LRRTM4: variants seen among roughly 807,000 people sequenced by gnomAD.
The protein encoded by LRRTM4 is leucine-rich repeat transmembrane neuronal protein 4.
In LRRTM4, 25 loss-of-function variants were observed where a neutral mutation model predicts 47.6. That is an observed-to-expected ratio of 0.53 (90% CI 0.38 to 0.73). The LOEUF is 0.73. LRRTM4 is among the 30% of genes least tolerant of loss of function. The probability of loss-of-function intolerance (pLI) is 0.00; values close to 1 mark genes in which losing one functional copy is unlikely to be tolerated. For missense variants in LRRTM4, 638 were observed against 713.4 expected, an observed-to-expected ratio of 0.89 and a Z score of 1.20; for synonymous variants, 311 against 269.5, an observed-to-expected ratio of 1.15 and a Z score of -1.51.
intron 3 of LRRTM4, among the ~76,000 whole-genome samples, chr2:77,204,103 G>A (rs1674055265): frequency 6.6e-6 from 1 of 152,084 alleles, no homozygotes; most frequent in Non-Finnish European, 1.5e-5. Context: ...ACATTGACAT[G>A]TTACCCATGT....
At chr2:77,475,180 G>A (rs1049508873) in intron 3 of LRRTM4, among the ~76,000 whole-genome samples, 1 of 152,036 alleles carries the variant, frequency 6.6e-6, no homozygotes, top group Non-Finnish European at 1.5e-5. Flanking sequence ...TACCAAGTGT[G>A]TTTTGCAGCT....
intron 3 of LRRTM4, among the ~76,000 whole-genome samples, chr2:76,884,529 C>CA (rs765034178): frequency 9.2e-5 from 14 of 151,818 alleles, no homozygotes; most frequent in African/African-American, 2.2e-4. Context: ...TAAACCCATG[C>CA]AAAAAATTGT....
chr2:77,373,369 A>T (rs1418224470), intron 3 of LRRTM4, among the ~76,000 whole-genome samples: 7 of 151,594 alleles, frequency 4.6e-5, no homozygotes, highest in South Asian at 2.1e-4. Context: ...CAATACTGAA[A>T]AAAACCATTT....
chr2:77,182,758 A>G (rs1223958618), intron 3 of LRRTM4, among the ~76,000 whole-genome samples: 1 of 152,114 alleles, frequency 6.6e-6, no homozygotes, highest in Non-Finnish European at 1.5e-5. Context: ...CCAGTTTTCA[A>G]AGGGAATGCT....
intron 3 of LRRTM4, among the ~76,000 whole-genome samples, chr2:77,049,545 T>C (rs1265267623): frequency 1.3e-5 from 2 of 152,010 alleles, no homozygotes; most frequent in Non-Finnish European, 2.9e-5. Context: ...TGATGATTAT[T>C]GATATTGAGT....
Position 76,974,213 on chromosome 2 carries a change from C to CACAT in LRRTM4, c.1552-225298_1552-225297insATGT, listed in dbSNP as rs1676333726. On this transcript the variant is annotated intron_variant, in intron 3 of 3. Transcript: ENST00000409884. ...ATATATATACATATATATATATACA[C>CACAT]ATATATATACATACATATATATATA... Among the ~76,000 whole-genome samples, 9 of 126,426 alleles carry CACAT rather than the reference C, an allele frequency of 7.1e-5. No homozygotes were observed. The South Asian group carries it at 1.4e-3, about 19-fold the overall frequency. 82.9% of individuals were successfully genotyped at this position (126,426 alleles called of 152,430 possible). A position where few individuals can be genotyped will look rare whatever the true frequency, so the allele number is the denominator to read the frequency against.
chr2:77,362,150 A>AAAGG, intron 3 of LRRTM4, among the ~76,000 whole-genome samples: 1 of 140,380 alleles, frequency 7.1e-6, no homozygotes, highest in African/African-American at 3.3e-5. Flanking sequence ...AGAAAGAAAG[A>AAAGG]AAGAAAGAAA....
intron 3 of LRRTM4, among the ~76,000 whole-genome samples, chr2:77,486,330 G>T (rs116693024): frequency 0.012 from 1,785 of 152,166 alleles, 38 homozygotes; most frequent in African/African-American, 0.041. Context: ...CAAAAACAGG[G>T]CAGAGCAGTT....
At chr2:76,809,506 A>T (rs935500038) in intron 3 of LRRTM4, among the ~76,000 whole-genome samples, 13 of 152,202 alleles carry the variant, frequency 8.5e-5, no homozygotes, top group Admixed American at 5.2e-4. Context: ...GGGGGGAAAA[A>T]TTGTAACCTA....
chr2:77,475,977 C>A lies in LRRTM4; in HGVS notation c.1551+42341G>T, dbSNP rs548122361. On this transcript the variant is annotated intron_variant, in intron 3 of 3. Coordinates refer to ENST00000409884, the MANE Select transcript of LRRTM4 (RefSeq NM_001134745.3). ...ATTTAATAAAATAACTATATTATTTCATTCTATACCTTATCTCTTTCCTTA... is the reference window on the plus strand; with the variant it reads ...ATTTAATAAAATAACTATATTATTTAATTCTATACCTTATCTCTTTCCTTA... Among the ~76,000 whole-genome samples the A allele has an allele frequency of 2.0e-5, 3 of 151,966 alleles. No individual in the cohort carries two copies. In the South Asian group the frequency reaches 6.2e-4, roughly 31 times the overall value.
chr2:77,012,342 G>A (rs967955916), intron 3 of LRRTM4, among the ~76,000 whole-genome samples: 11 of 151,990 alleles, frequency 7.2e-5, no homozygotes, highest in Non-Finnish European at 1.3e-4. Flanking sequence ...TGAAACGGAT[G>A]TTCTAGTAAA....
intron 3 of LRRTM4, among the ~76,000 whole-genome samples, chr2:77,423,872 C>A (rs535353169): frequency 2.6e-5 from 4 of 152,116 alleles, no homozygotes. Flanking sequence ...GTTCAGGAAT[C>A]CCAAAGTGCA....
At chr2:77,283,122 A>G (rs533743378) in intron 3 of LRRTM4, among the ~76,000 whole-genome samples, 1 of 152,202 alleles carries the variant, frequency 6.6e-6, no homozygotes, top group Admixed American at 6.6e-5. Context: ...GAACTTACAC[A>G]AATTAACAAG....
chr2:77,519,889 T>G lies in LRRTM4; in HGVS notation c.5-25A>C. On this transcript the variant is annotated intron_variant, in intron 2 of 3. Transcript: ENST00000409884. This position sits in a 1 kb window ranked among gnomAD's most constrained non-coding sequence, Gnocchi z 4.6. ...CCTACGATATTAAAAAAAAGACAGA[T>G]GCACATTGTGAAGCTATTAAAATAA... 6.5e-7 allele frequency: 1 copy of G among 1,533,622 alleles called. No homozygotes were observed. Among genetic ancestry groups the G allele is most frequent in the East Asian group, 2.4e-5 (1 of 41,884 alleles).
At chr2:77,446,251 T>C (rs1676046406) in intron 3 of LRRTM4, among the ~76,000 whole-genome samples, 1 of 151,990 alleles carries the variant, frequency 6.6e-6, no homozygotes, top group Non-Finnish European at 1.5e-5. Flanking sequence ...CATACCATCG[T>C]TTGTAGAGAG....
intron 3 of LRRTM4, among the ~76,000 whole-genome samples, chr2:76,966,941 C>T (rs1208428542): frequency 6.6e-6 from 1 of 151,374 alleles, no homozygotes; most frequent in East Asian, 2.0e-4. Context: ...TCAGCCCTCT[C>T]AATTTTTATT....
intron 3 of LRRTM4, among the ~76,000 whole-genome samples, chr2:76,812,695 CTTTTCTTTCTTTATTTCT>C (rs1670771662): frequency 1.0e-5 from 1 of 97,218 alleles, no homozygotes; most frequent in Non-Finnish European, 2.0e-5. Context: ...TTCTTTCTTT[CTTTTCTTTCTTTATTTCT>C]TTTTCTTTCT....
intron 3 of LRRTM4, among the ~76,000 whole-genome samples, chr2:76,796,010 A>G (rs762679251): frequency 2.9e-5 from 4 of 138,506 alleles, no homozygotes; most frequent in Non-Finnish European, 6.1e-5. Context: ...TGGGAAGCGC[A>G]AGGGGTCACG....
chr2:77,113,799 G>A (rs559335100), intron 3 of LRRTM4, among the ~76,000 whole-genome samples: 1 of 152,220 alleles, frequency 6.6e-6, no homozygotes, highest in East Asian at 1.9e-4. Context: ...GGAAGGGCCT[G>A]CAGAATTATA....
Sources: allele counts gnomAD v4.1 joint callset (sites outside exome capture counted in the v4.1 genomes callset), GRCh38; gene constraint gnomAD v4.1.1; non-coding constraint Gnocchi (gnomAD v3.1); transcripts MANE v1.5; gene names NCBI Gene and HGNC (gene_info 2026-07-23, HGNC 2026-07-21).